Variants in NUP155 observed in about 807,000 individuals in gnomAD.
NUP155 encodes the protein nuclear pore complex protein Nup155.
A neutral mutation model predicts 180.4 loss-of-function variants in NUP155; 71 were observed. The observed-to-expected ratio is 0.39, with a 90% CI of 0.33 to 0.48. NUP155 has a LOEUF of 0.48. Among genes scored for constraint, NUP155 ranks in the 20% least tolerant of loss-of-function variants. The pLI, the probability that NUP155 is intolerant of heterozygous loss-of-function variation, is 0.91. For missense variants in NUP155, 1,553 were observed against 1,648.9 expected, an observed-to-expected ratio of 0.94 and a Z score of 1.01; for synonymous variants, 582 against 559.5, an observed-to-expected ratio of 1.04 and a Z score of -0.57.
intron 23 of NUP155, 77 bp from the exon 24 acceptor site, chr5:37,309,344 C>T (rs1743381353): frequency 8.7e-7 from 1 of 1,143,984 alleles, no homozygotes; most frequent in South Asian, 1.3e-5. Flanking sequence ...AAGTTTTAGT[C>T]TATGTCTAAA....
At chr5:37,350,406 A>C (rs1581198463) in intron 6 of NUP155, 141 bp from the exon 7 acceptor site, 12 of 638,082 alleles carry the variant, frequency 1.9e-5, no homozygotes, top group Non-Finnish European at 2.8e-5. Flanking sequence ...AATCAACAAA[A>C]CGAGACATAT....
In NUP155 at chr5:37,324,124, T is replaced by A. The variant is rs925477171; in HGVS notation, c.2092-17A>T. 6.4e-7 allele frequency: 1 copy of A among 1,556,072 alleles called. No individual in the cohort carries two copies. Among genetic ancestry groups the A allele is most frequent in the South Asian group, 1.1e-5 (1 of 89,884 alleles). On this transcript the variant is annotated splice_polypyrimidine_tract_variant and intron_variant, in intron 19 of 34. Coordinates refer to ENST00000231498, the MANE Select transcript of NUP155 (RefSeq NM_153485.3). ...ACTTTCAATCTGTAAAAATGAAAGA[T>A]TTTTCAAAAGTTTAAAAACACACCC...
chr5:37,310,743 C>T lies in NUP155; in HGVS notation c.2437G>A (p.Glu813Lys), dbSNP rs1030739841. 1.2e-6 allele frequency: 2 copies of T among 1,611,286 alleles called. No individual in the cohort carries two copies. The highest frequency in any genetic ancestry group is 2.7e-5 in the African/African-American group (2 of 74,946). The change falls in exon 23 of 35, where the codon GAA becomes AAA. Residue 813 changes from glutamate (E) to lysine (K), a missense_variant and splice_region_variant. By Grantham distance (56) the Glu-to-Lys change is moderately conservative. Transcript: ENST00000231498. ...FTIIVAELQK[E>K]LQEQLKITTF... ...GTGATCTTCAGCTGCTCTTGAAGTT[C>T]CTAGGAGCATAAAACTTTTCTATCA...
At chr5:37,314,604 G>A (rs1030853448) in intron 21 of NUP155, among the ~76,000 whole-genome samples, 3 of 152,182 alleles carry the variant, frequency 2.0e-5, no homozygotes, top group Non-Finnish European at 2.9e-5. Context: ...TTGGGAGGCC[G>A]AGGCAGGTGG....
intron 28 of NUP155, 40 bp downstream of exon 28, chr5:37,303,220 G>GT: frequency 6.2e-7 from 1 of 1,609,200 alleles, no homozygotes; most frequent in East Asian, 2.2e-5. Context: ...ATATAGCTCA[G>GT]TTTTGAATCA....
chr5:37,329,222 A>T lies in NUP155; in HGVS notation c.1781T>A (p.Val594Asp), dbSNP rs1352337889. 1 of 1,613,932 alleles carries T rather than the reference A, an allele frequency of 6.2e-7. No homozygotes were observed. The highest frequency in any genetic ancestry group is 2.2e-5 in the East Asian group (1 of 44,832). Residue 594 changes from valine (V) to aspartate (D), a missense_variant, in exon 16 of 35, where the codon GTT becomes GAT. By Grantham distance (152) the Val-to-Asp change is radical (BLOSUM62 -3). Transcript: ENST00000231498. ...FPTTLPPPSN[V>D]GPILGSPVYS... ...GACAGGAGACCCCAAGATGGGACCA[A>T]CATTACTTGGAGGCGGAAGAGTGGT...
chr5:37,338,467 C>G (rs909857404), intron 11 of NUP155, among the ~76,000 whole-genome samples: 26 of 145,268 alleles, frequency 1.8e-4, no homozygotes, highest in Admixed American at 4.9e-4. Flanking sequence ...AGTGCAGTGG[C>G]GCGATCTCGG....
intron 34 of NUP155, 103 bp from the exon 35 acceptor site, chr5:37,292,141 G>C (rs1040872817): frequency 5.6e-6 from 6 of 1,068,564 alleles, no homozygotes; most frequent in Admixed American, 1.9e-5. Context: ...TCACAGGAGA[G>C]GAAAGACCAT....
intron 1 of NUP155, among the ~76,000 whole-genome samples, chr5:37,365,419 T>A (rs915961052): frequency 2.0e-5 from 3 of 151,234 alleles, no homozygotes; most frequent in African/African-American, 7.3e-5. Context: ...CACATAAATA[T>A]ATACACCGTT....
chr5:37,370,505 C>T (rs186483433), intron 1 of NUP155, among the ~76,000 whole-genome samples: 2 of 152,364 alleles, frequency 1.3e-5, no homozygotes, highest in East Asian at 3.9e-4. Context: ...GGACTTGGAT[C>T]TGGAGATGCT....
At chr5:37,333,386 CCA>C in intron 13 of NUP155, 75 bp downstream of exon 13, 1 of 1,215,160 alleles carries the variant, frequency 8.2e-7, no homozygotes, top group Non-Finnish European at 1.2e-6. Flanking sequence ...TTCAATTAAG[CCA>C]CTACTTCAGA....
At chr5:37,343,883 T>A (rs1467423912) in intron 9 of NUP155, among the ~76,000 whole-genome samples, 1 of 151,972 alleles carries the variant, frequency 6.6e-6, no homozygotes, top group African/African-American at 2.4e-5. Flanking sequence ...AGACTGAGAC[T>A]CTATCTCAAG....
intron 4 of NUP155, among the ~76,000 whole-genome samples, chr5:37,356,738 G>A (rs1746853824): frequency 6.6e-6 from 1 of 151,916 alleles, no homozygotes; most frequent in Non-Finnish European, 1.5e-5. Context: ...GCATTATGAG[G>A]GTGAAACAAT....
chr5:37,328,671 C>CT (rs1270138729), intron 16 of NUP155, among the ~76,000 whole-genome samples: 1 of 152,110 alleles, frequency 6.6e-6, no homozygotes, highest in Non-Finnish European at 1.5e-5. Context: ...AGGCCGGCTA[C>CT]TTTTTGTACT....
Position 37,290,476 on chromosome 5 carries a change from T to G in NUP155, c.*1424A>C, listed in dbSNP as rs1023110638. On this transcript the variant is annotated 3_prime_UTR_variant, in exon 35 of 35. Transcript: ENST00000231498. ...CTGGGCTACAGGGTGAGATTCTGTC[T>G]CCAAAAAAAAAAAAAAGAGAGAAAG... is the stretch of plus-strand genomic sequence containing the variant. The G allele has an allele frequency of 1.4e-5, 2 of 139,908 alleles. No homozygotes were observed. The highest frequency in any genetic ancestry group is 6.0e-5 in the African/African-American group (2 of 33,226). 8.7% of individuals were successfully genotyped at this position (139,908 alleles called of 1,614,324 possible). A position where few individuals can be genotyped will look rare whatever the true frequency, so the allele number is the denominator to read the frequency against.
At position 37,329,287 on chromosome 5, in the gene NUP155, A is replaced by G; in HGVS notation, c.1725-9T>C. The G allele has an allele frequency of 6.2e-7, 1 of 1,607,494 alleles. No homozygotes were observed. Among genetic ancestry groups the G allele is most frequent in the Non-Finnish European group, 8.5e-7 (1 of 1,174,052 alleles). On this transcript the variant is annotated splice_polypyrimidine_tract_variant and intron_variant, in intron 15 of 34. Coordinates refer to ENST00000231498, the MANE Select transcript of NUP155 (RefSeq NM_153485.3). Reference sequence around the variant, plus strand: ...GTGCTTCACCACCATACCTATTTTTATGACAAGAGGTTGAGTTTATTCAGT... The same window carrying G: ...GTGCTTCACCACCATACCTATTTTTGTGACAAGAGGTTGAGTTTATTCAGT...
intron 26 of NUP155, 76 bp from the exon 27 acceptor site, chr5:37,304,919 A>T: frequency 1.3e-6 from 2 of 1,501,906 alleles, no homozygotes; most frequent in Non-Finnish European, 1.9e-6. Context: ...AGCCCTATAA[A>T]CTCCAGTAAG....
At chr5:37,337,472 G>A (rs958615330) in intron 12 of NUP155, among the ~76,000 whole-genome samples, 17 of 151,194 alleles carry the variant, frequency 1.1e-4, no homozygotes, top group Admixed American at 3.3e-4. Flanking sequence ...ATAACTAAAC[G>A]AGCAACATAT....
intron 1 of NUP155, 68 bp from the exon 2 acceptor site, chr5:37,364,452 G>C (rs897350086): frequency 7.1e-7 from 1 of 1,416,706 alleles, no homozygotes; most frequent in African/African-American, 1.4e-5. Context: ...AAAGGATTGA[G>C]TGCCACAAAA....
Sources: gnomAD v4.1 joint callset for allele counts (sites outside exome capture counted in the v4.1 genomes callset) on GRCh38, gnomAD v4.1.1 for gene constraint, MANE v1.5 for transcripts, NCBI Gene and HGNC (gene_info 2026-07-23, HGNC 2026-07-21) for gene names.